The following FYCO1 variants were observed in gnomAD, a reference collection of about 807,000 sequenced individuals.
FYCO1 encodes FYVE and coiled-coil domain autophagy adaptor 1, also known as FYVE and coiled-coil domain-containing protein 1.
FYCO1 carries 122 observed loss-of-function variants against 165.1 expected under a neutral mutation model. That is an observed-to-expected ratio of 0.74 (90% CI 0.64 to 0.86). The LOEUF (loss-of-function observed/expected upper bound fraction) is 0.86. Among genes scored for constraint, FYCO1 ranks in the 40% least tolerant of loss-of-function variants. FYCO1 has a pLI of 0.00. For synonymous variants in FYCO1, 648 were observed against 742.5 expected (o/e 0.87, Z 2.07); for missense variants, 1,702 against 1,810.3 (o/e 0.94, Z 1.09).
chr3:45,970,696 G>A (rs574611935), intron 6 of FYCO1, among the ~76,000 whole-genome samples: 30 of 152,150 alleles, frequency 2.0e-4, no homozygotes, highest in Non-Finnish European at 3.7e-4. Flanking sequence ...GTGAGTAAAT[G>A]GGCAAAGCTG....
At chr3:45,935,387 G>C (rs1021253881) in intron 15 of FYCO1, among the ~76,000 whole-genome samples, 19 of 152,296 alleles carry the variant, frequency 1.2e-4, no homozygotes, top group African/African-American at 4.1e-4. Flanking sequence ...CAAAGTCAAA[G>C]TCCTTACAAT....
At chr3:45,939,930 G>T (rs1288795357) in intron 14 of FYCO1, among the ~76,000 whole-genome samples, 1 of 152,190 alleles carries the variant, frequency 6.6e-6, no homozygotes, top group African/African-American at 2.4e-5. Context: ...TAGCCACCTG[G>T]ACTGGTGGCC....
intron 13 of FYCO1, among the ~76,000 whole-genome samples, chr3:45,956,136 T>C (rs1271318055): frequency 6.6e-6 from 1 of 152,054 alleles, no homozygotes; most frequent in Non-Finnish European, 1.5e-5. Flanking sequence ...AGGAGTTCAG[T>C]ACCAGCCTGG....
Position 45,964,956 on chromosome 3 carries a change from G to A in FYCO1, c.3150+77C>T. 1.7e-6 allele frequency: 2 copies of A among 1,156,406 alleles called. No individual in the cohort carries two copies. Among genetic ancestry groups the A allele is most frequent in the Admixed American group, 3.6e-5 (2 of 55,176 alleles). 71.6% of individuals were successfully genotyped at this position (1,156,406 alleles called of 1,614,324 possible). ...CAGCTTGGGAATCTGGAGGCATGCA[G>A]GGAGCCCTCTTAAATGGTCCAGTCA... On this transcript the variant is annotated intron_variant, in intron 9 of 17. Transcript: ENST00000296137. The surrounding 1 kb of genome is among the most constrained non-coding windows in gnomAD (Gnocchi z 4.1).
rs61757198 is a variant in FYCO1, at chr3:45,947,006, C to T, written c.3944+8243G>A. 1,065 of 1,614,220 alleles carry T rather than the reference C, an allele frequency of 6.6e-4. 7 individuals are homozygous for T. The highest frequency in any genetic ancestry group is 1.7e-3 in the Admixed American group (105 of 60,030). ...TTATCTATGGCAATGTCTTTAATCT[C>T]GACAAGCTCATATGTGGTTACCATG... On this transcript the variant is annotated intron_variant, in intron 14 of 17. Coordinates refer to ENST00000296137, the MANE Select transcript of FYCO1 (RefSeq NM_024513.4).
chr3:45,991,909 A>G (rs564076461), intron 1 of FYCO1, among the ~76,000 whole-genome samples: 11 of 152,282 alleles, frequency 7.2e-5, no homozygotes, highest in African/African-American at 2.6e-4. Context: ...CCCAAATCCA[A>G]TTGGAACTGG....
rs369364455 is a variant in FYCO1 at position 45,964,462 on chromosome 3, A to C, written c.3151-8T>G. On this transcript the variant is annotated splice_region_variant and splice_polypyrimidine_tract_variant and intron_variant, in intron 9 of 17. Coordinates refer to ENST00000296137, the MANE Select transcript of FYCO1 (RefSeq NM_024513.4). This position sits in a 1 kb window ranked among gnomAD's most constrained non-coding sequence, Gnocchi z 4.1. ...CATGTCTGCTTGGGTGGCCTGGCAC[A>C]GGACGTCAGGGAGAAGACACTCAGC... The C allele has an allele frequency of 2.5e-6, 4 of 1,613,766 alleles. No homozygotes were observed. The South Asian group carries it at 4.4e-5, about 18-fold the overall frequency.
Position 45,968,470 on chromosome 3 carries a change from G to T in FYCO1, c.864C>A (p.Asn288Lys). 1.2e-6 allele frequency: 2 copies of T among 1,614,014 alleles called. No homozygotes were observed. Among genetic ancestry groups the T allele is most frequent in the East Asian group, 2.2e-5 (1 of 44,880 alleles). The change falls in exon 8 of 18, where the codon AAC becomes AAA. Residue 288 changes from asparagine to lysine, a missense_variant. Coordinates refer to ENST00000296137, the MANE Select transcript of FYCO1 (RefSeq NM_024513.4). ...RERGRTAAEDNVRLTCLVAEL... is the reference protein window; with the variant it reads ...RERGRTAAEDKVRLTCLVAEL... Reference sequence around the variant, plus strand: ...CAGCTACCAAGCAAGTGAGGCGAACGTTGTCCTCCGCTGCAGTGCGCCCCC... The same window carrying T: ...CAGCTACCAAGCAAGTGAGGCGAACTTTGTCCTCCGCTGCAGTGCGCCCCC...
chr3:45,926,872 G>A (rs1703343249), intron 16 of FYCO1, among the ~76,000 whole-genome samples: 1 of 152,048 alleles, frequency 6.6e-6, no homozygotes, highest in Admixed American at 6.5e-5. Context: ...GCTGAGGCAG[G>A]AGAATCGCTT....
intron 1 of FYCO1, among the ~76,000 whole-genome samples, chr3:45,987,420 G>A (rs1707363537): frequency 6.6e-6 from 1 of 152,208 alleles, no homozygotes; most frequent in African/African-American, 2.4e-5. Context: ...AATGCAGTGG[G>A]ATCTGAGGAA....
rs995544011 is a variant in FYCO1, at chr3:45,964,638, T to C, written c.3151-184A>G. 7.6e-6 allele frequency: 6 copies of C among 789,986 alleles called. No homozygotes were observed. Among genetic ancestry groups the C allele is most frequent in the African/African-American group, 1.9e-5 (1 of 53,568 alleles). The allele number at this position is 789,986 out of a possible 1,614,324, so 48.9% of individuals were successfully genotyped here. A position where few individuals can be genotyped will look rare whatever the true frequency, so the allele number is the denominator to read the frequency against. ...TTTGTGGGGCCTCAACTGCAACTAG[T>C]TGTGGTGGTTGGCAAGTGGCAGGTA... On this transcript the variant is annotated intron_variant, in intron 9 of 17. Coordinates refer to ENST00000296137, the MANE Select transcript of FYCO1 (RefSeq NM_024513.4). This position sits in a 1 kb window ranked among gnomAD's most constrained non-coding sequence, Gnocchi z 4.1.
intron 16 of FYCO1, among the ~76,000 whole-genome samples, chr3:45,926,733 G>A (rs1403078092): frequency 6.6e-6 from 1 of 152,212 alleles, no homozygotes; most frequent in Admixed American, 6.5e-5. Flanking sequence ...GGGAGGCCGA[G>A]GTGGGTGGAT....
chr3:45,984,816 C>T (rs1707234581), intron 2 of FYCO1, 40 bp downstream of exon 2: 6 of 1,610,394 alleles, frequency 3.7e-6, no homozygotes, highest in Non-Finnish European at 5.1e-6. Flanking sequence ...GCCACAAGTC[C>T]CTCAAAACCA....
rs1265721245 is a variant in FYCO1, at chr3:45,993,901, T to C, written c.-113+1821A>G. Among the ~76,000 whole-genome samples, 3 of 143,236 alleles carry C rather than the reference T, an allele frequency of 2.1e-5. No individual in the cohort carries two copies. The highest frequency in any genetic ancestry group is 4.6e-5 in the Non-Finnish European group (3 of 64,828). 94.0% of individuals were successfully genotyped at this position (143,236 alleles called of 152,430 possible). On this transcript the variant is annotated intron_variant, in intron 1 of 17. Transcript: ENST00000296137. This position sits in a 1 kb window ranked among gnomAD's most constrained non-coding sequence, Gnocchi z 4.4. ...TTACCTATCAGCTAAACATCTCCCC[T>C]AAAGGGAAGCAGGGTGGGTGGGGGT...
chr3:45,967,976 G>A lies in FYCO1; in HGVS notation c.1358C>T (p.Ala453Val). ...ASLERLVKEM[A>V]PLQEELSGKG... ...CCCAGACAACTCCTCCTGGAGTGGG[G>A]CCATCTCCTTCACCAGGCGCTCCAG... Residue 453 changes from alanine to valine, a missense_variant, in exon 8 of 18, where the codon GCC becomes GTC. By Grantham distance (64) the Ala-to-Val change is moderately conservative (BLOSUM62 0). Transcript: ENST00000296137. The A allele has an allele frequency of 6.2e-7, 1 of 1,614,098 alleles. No individual in the cohort carries two copies. Among genetic ancestry groups the A allele is most frequent in the African/African-American group, 1.3e-5 (1 of 75,022 alleles).
At position 45,981,567 on chromosome 3, in the gene FYCO1, T is replaced by C. The variant is rs142545536; in HGVS notation, c.162+3A>G. 2 of 1,568,702 alleles carry C rather than the reference T, an allele frequency of 1.3e-6. No homozygotes were observed. The highest frequency in any genetic ancestry group is 2.7e-5 in the African/African-American group (2 of 74,178). ...AAATCAACACATTACAGGCATCACT[T>C]ACTTGCAGGAGATACTCAAGTTTAT... On this transcript the variant is annotated splice_donor_region_variant and intron_variant, in intron 3 of 17. Coordinates refer to ENST00000296137, the MANE Select transcript of FYCO1 (RefSeq NM_024513.4).
At chr3:45,987,342 G>T (rs1175536835) in intron 1 of FYCO1, among the ~76,000 whole-genome samples, 1 of 152,138 alleles carries the variant, frequency 6.6e-6, no homozygotes, top group Non-Finnish European at 1.5e-5. Flanking sequence ...ACATACACTT[G>T]TCACAACTCA....
At chr3:45,957,742 G>A (rs1173115401) in intron 13 of FYCO1, among the ~76,000 whole-genome samples, 2 of 152,252 alleles carry the variant, frequency 1.3e-5, no homozygotes, top group South Asian at 2.1e-4. Context: ...TGGCTGGCCT[G>A]CATCCAGGCA....
intron 6 of FYCO1, among the ~76,000 whole-genome samples, chr3:45,970,044 G>T (rs1431584332): frequency 2.6e-5 from 4 of 152,138 alleles, no homozygotes; most frequent in African/African-American, 9.7e-5. Context: ...AATTTTCCTT[G>T]AGCTTTTGGT....
Sources: gnomAD v4.1 joint callset for allele counts (sites outside exome capture counted in the v4.1 genomes callset) on GRCh38, gnomAD v4.1.1 for gene constraint, Gnocchi (gnomAD v3.1) non-coding constraint, MANE v1.5 for transcripts, NCBI Gene and HGNC (gene_info 2026-07-23, HGNC 2026-07-21) for gene names.